NBEAL2: variants seen among roughly 807,000 people sequenced by gnomAD.
NBEAL2 encodes the protein neurobeachin-like protein 2.
NBEAL2 carries 160 observed loss-of-function variants against 299.8 expected under a neutral mutation model. The observed-to-expected ratio is 0.53, with a 90% confidence interval of 0.47 to 0.61. The LOEUF is 0.61. Ranked by LOEUF, NBEAL2 falls within the 20% of genes least tolerant of loss-of-function variation. NBEAL2 has a pLI of 0.00. For synonymous variants in NBEAL2, 1,493 were observed against 1,542.3 expected (o/e 0.97, Z 0.75); for missense variants, 3,112 against 3,649.0 (o/e 0.85, Z 3.79).
In NBEAL2 at chr3:46,995,132, A is replaced by G; in HGVS notation, c.1397A>G (p.Glu466Gly). Residue 466 changes from glutamate to glycine, a missense_variant, in exon 13 of 54, where the codon GAG becomes GGG. Coordinates refer to ENST00000450053, the MANE Select transcript of NBEAL2 (RefSeq NM_015175.3). ...TGGCTGCCGTCATTGCCCACCGCTG[A>G]GCTGCGGCTCTTCCTAGCGCAACGC... is the stretch of plus-strand genomic sequence containing the variant. ...AQWLPSLPTA[E>G]LRLFLAQRLR... The G allele has an allele frequency of 1.3e-6, 2 of 1,575,448 alleles. No individual in the cohort carries two copies. The highest frequency in any genetic ancestry group is 1.7e-6 in the Non-Finnish European group (2 of 1,160,866).
At chr3:46,987,745 C>T (rs1370752483) in intron 1 of NBEAL2, among the ~76,000 whole-genome samples, 2 of 152,106 alleles carry the variant, frequency 1.3e-5, no homozygotes, top group African/African-American at 2.4e-5. Flanking sequence ...TTCCAGGCGC[C>T]AACCTCATGC....
chr3:47,001,576 G>T lies in NBEAL2; in HGVS notation c.4645-113G>T. On this transcript the variant is annotated intron_variant, in intron 29 of 53. Transcript: ENST00000450053. This position sits in a 1 kb window ranked among gnomAD's most constrained non-coding sequence, Gnocchi z 6.1. ...CATGAATGCCTGTGAGTGTGGACTT[G>T]CCTGTGTGCACAAACCCTACCTGGC... is the stretch of plus-strand genomic sequence containing the variant. 1 of 1,565,768 alleles carries T rather than the reference G, an allele frequency of 6.4e-7. No individual in the cohort carries two copies. The highest frequency in any genetic ancestry group is 8.7e-7 in the Non-Finnish European group (1 of 1,153,600).
rs560363973 is a variant in NBEAL2, at chr3:46,997,704, G to A, written c.2958+10G>A. 46 of 1,505,538 alleles carry A rather than the reference G, an allele frequency of 3.1e-5. No homozygotes were observed. Among genetic ancestry groups the A allele is most frequent in the African/African-American group, 1.4e-4 (10 of 72,036 alleles). The allele number at this position is 1,505,538 out of a possible 1,614,324, so 93.3% of individuals were successfully genotyped here. On this transcript the variant is annotated intron_variant, in intron 20 of 53. Coordinates refer to ENST00000450053, the MANE Select transcript of NBEAL2 (RefSeq NM_015175.3). ...GGCCCTCCTGCGAAAGGTGGGGCCC[G>A]GTGGGACAGGCATGGGGGTTAGGGG...
chr3:46,979,822 C>T lies in NBEAL2; in HGVS notation c.-40C>T, dbSNP rs1190538319. On this transcript the variant is annotated 5_prime_UTR_variant, in exon 1 of 54. An upstream open reading frame in the 5' UTR gains an earlier in-frame stop. Coordinates refer to ENST00000450053, the MANE Select transcript of NBEAL2 (RefSeq NM_015175.3). Reference sequence around the variant, plus strand: ...CCGGCGGGCGGCGCGGAGGAGGCGGCGACAGGTGGCGCGCAGCAGGGCCGG... The same window carrying T: ...CCGGCGGGCGGCGCGGAGGAGGCGGTGACAGGTGGCGCGCAGCAGGGCCGG... 6 of 410,548 alleles carry T rather than the reference C, an allele frequency of 1.5e-5. No individual in the cohort carries two copies. Among genetic ancestry groups the T allele is most frequent in the Non-Finnish European group, 2.5e-5 (6 of 235,622 alleles). The allele number at this position is 410,548 out of a possible 1,614,324, so 25.4% of individuals were successfully genotyped here. A position where few individuals can be genotyped will look rare whatever the true frequency, so the allele number is the denominator to read the frequency against.
At position 47,008,698 on chromosome 3, in the gene NBEAL2, C is replaced by T. The variant is rs766648564; in HGVS notation, c.8027+30C>T. 20 of 1,611,504 alleles carry T rather than the reference C, an allele frequency of 1.2e-5. No homozygotes were observed. In the East Asian group the frequency reaches 2.9e-4, roughly 23 times the overall value. On this transcript the variant is annotated intron_variant, in intron 52 of 53. Transcript: ENST00000450053. ...GCCCCCCATTTATGGGTTCATGGCC[C>T]CTGAAGGTGGTGGTCATTGGTGTAG...
At chr3:46,981,719 C>T (rs1423537233) in intron 1 of NBEAL2, among the ~76,000 whole-genome samples, 1 of 152,154 alleles carries the variant, frequency 6.6e-6, no homozygotes, top group African/African-American at 2.4e-5. Context: ...GGGCTTAAAC[C>T]AGCTGGTGAG....
intron 49 of NBEAL2, 53 bp from the exon 50 acceptor site, chr3:47,008,016 CT>C: frequency 6.3e-7 from 1 of 1,595,752 alleles, no homozygotes; most frequent in South Asian, 1.1e-5. Context: ...TGGACAAGGC[CT>C]TCATTTCCTG....
intron 6 of NBEAL2, among the ~76,000 whole-genome samples, chr3:46,990,422 C>T (rs1445154353): frequency 6.6e-6 from 1 of 152,224 alleles, no homozygotes; most frequent in Non-Finnish European, 1.5e-5. Flanking sequence ...TCTCCACTTG[C>T]CCTGCTGCTC....
chr3:46,998,593 T>TG, intron 22 of NBEAL2, 28 bp downstream of exon 22: 1 of 1,596,182 alleles, frequency 6.3e-7, no homozygotes, highest in African/African-American at 1.3e-5. Context: ...AGATGGGCCA[T>TG]GGGGGGCTGA....
chr3:46,979,901 T>C lies in NBEAL2; in HGVS notation c.40T>C (p.Tyr14His). 2.2e-6 allele frequency: 1 copy of C among 449,670 alleles called. No individual in the cohort carries two copies. The highest frequency in any genetic ancestry group is 4.0e-6 in the Non-Finnish European group (1 of 248,354). 27.9% of individuals were successfully genotyped at this position (449,670 alleles called of 1,614,324 possible). Reference protein sequence around the residue: ...SERLYELWLLYYAQKDLGYLQ... With the variant: ...SERLYELWLLHYAQKDLGYLQ... ...GCGGCTGTACGAGTTGTGGCTGCTC[T>C]ACTACGCGCAGGTGAGCCCGCCCCG... Residue 14 changes from tyrosine to histidine, a missense_variant, in exon 1 of 54, where the codon TAC becomes CAC. Tyr to His is a moderately conservative substitution (Grantham distance 83). This residue lies in a region of NBEAL2 where 2,243 missense variants were observed against 2,538.1 expected (regional missense o/e 0.88). Coordinates refer to ENST00000450053, the MANE Select transcript of NBEAL2 (RefSeq NM_015175.3).
chr3:47,001,164 A>C lies in NBEAL2; in HGVS notation c.4469A>C (p.Asp1490Ala). 1 of 1,612,502 alleles carries C rather than the reference A, an allele frequency of 6.2e-7. No individual in the cohort carries two copies. The highest frequency in any genetic ancestry group is 8.5e-7 in the Non-Finnish European group (1 of 1,179,274). ...GASATLVRPPDCIKRSLLEMM... is the reference protein window; with the variant it reads ...GASATLVRPPACIKRSLLEMM... ...TCAGCCACACTTGTGCGCCCACCAGACTGCATCAAGCGCAGGTGAGAGGGA... is the reference window on the plus strand; with the variant it reads ...TCAGCCACACTTGTGCGCCCACCAGCCTGCATCAAGCGCAGGTGAGAGGGA... Residue 1490 changes from aspartate to alanine, a missense_variant, in exon 28 of 54, where the codon GAC becomes GCC. This residue lies in a region of NBEAL2 where 2,243 missense variants were observed against 2,538.1 expected (regional missense o/e 0.88). Transcript: ENST00000450053. The surrounding 1 kb of genome is among the most constrained non-coding windows in gnomAD (Gnocchi z 6.1).
chr3:46,998,283 T>G, intron 21 of NBEAL2, 57 bp downstream of exon 21: 3 of 1,574,028 alleles, frequency 1.9e-6, no homozygotes, highest in Non-Finnish European at 1.7e-6. Context: ...CACTGAGAAG[T>G]TAGAACTCTG....
In NBEAL2 at chr3:47,002,095, C is replaced by T; in HGVS notation, c.4958C>T (p.Ala1653Val). ...GCAGGGTCCCCACTTGCAGCTGCAG[C>T]AGCTGCAGCAGCTGCAGAGCGCTGC... ...DEAGSPLAAA[A>V]AAAAAERCSW... is the part of the protein sequence containing the mutation. Residue 1653 changes from alanine (A) to valine (V), a missense_variant, in exon 31 of 54, where the codon GCA becomes GTA. Transcript: ENST00000450053. 2 of 1,550,752 alleles carry T rather than the reference C, an allele frequency of 1.3e-6. No individual in the cohort carries two copies. The highest frequency in any genetic ancestry group is 1.7e-6 in the Non-Finnish European group (2 of 1,147,000).
intron 47 of NBEAL2, 22 bp from the exon 48 acceptor site, chr3:47,007,503 G>A: frequency 6.2e-7 from 1 of 1,601,062 alleles, no homozygotes; most frequent in Non-Finnish European, 8.5e-7. Flanking sequence ...GGCCTCACTT[G>A]CTATCCCCCT....
rs751461044 is a variant in NBEAL2, at chr3:46,998,042, C to T, written c.2959-25C>T. 4 of 1,545,074 alleles carry T rather than the reference C, an allele frequency of 2.6e-6. No individual in the cohort carries two copies. The Admixed American group carries it at 5.9e-5, about 23-fold the overall frequency. ...AGCAGACAGGCAGAGCCTGAGCCCT[C>T]ACTCCAGCTCCTGTCTTATCCCAGG... On this transcript the variant is annotated intron_variant, in intron 20 of 53. Transcript: ENST00000450053.
chr3:46,992,933 C>G (rs2036212632), intron 10 of NBEAL2, among the ~76,000 whole-genome samples: 1 of 152,188 alleles, frequency 6.6e-6, no homozygotes, highest in South Asian at 2.1e-4. Flanking sequence ...TAGATTCTTG[C>G]ACCCACCCTC....
rs745375767 is a variant in NBEAL2 at position 47,001,833 on chromosome 3, A to G, written c.4782+7A>G. On this transcript the variant is annotated splice_region_variant and intron_variant, in intron 30 of 53. Coordinates refer to ENST00000450053, the MANE Select transcript of NBEAL2 (RefSeq NM_015175.3). This position sits in a 1 kb window ranked among gnomAD's most constrained non-coding sequence, Gnocchi z 6.1. ...CCTGCTGGAAGACCCACAGGTGAGC[A>G]CAGGGTGAGCATGGGGGCAGGGGGC... 8.1e-6 allele frequency: 13 copies of G among 1,613,436 alleles called. No homozygotes were observed. In the South Asian group the frequency reaches 8.8e-5, roughly 11 times the overall value.
In NBEAL2 at chr3:47,008,036, G is replaced by C. The variant is rs372516293; in HGVS notation, c.7603-34G>C. On this transcript the variant is annotated intron_variant, in intron 49 of 53. Coordinates refer to ENST00000450053, the MANE Select transcript of NBEAL2 (RefSeq NM_015175.3). ...AAGGCCTTCATTTCCTGAGCCTCAG[G>C]GGACAGTCCTAAGCCAACCCTGGTC... 271 of 1,607,574 alleles carry C rather than the reference G, an allele frequency of 1.7e-4. 1 individual carries two copies. In the Middle Eastern group the frequency reaches 2.0e-3, roughly 12 times the overall value.
rs771064242 is a variant in NBEAL2 at position 47,001,214 on chromosome 3, G to A, written c.4484+35G>A. On this transcript the variant is annotated intron_variant, in intron 28 of 53. Coordinates refer to ENST00000450053, the MANE Select transcript of NBEAL2 (RefSeq NM_015175.3). The surrounding 1 kb of genome is among the most constrained non-coding windows in gnomAD (Gnocchi z 6.1). ...AAAGTCTGGAGGGGGAGGGGCTTCA[G>A]GAAGCCTCGGGGGAAGGAGAGAAGA... 3 of 1,602,384 alleles carry A rather than the reference G, an allele frequency of 1.9e-6. No homozygotes were observed. In the East Asian group the frequency reaches 6.7e-5, roughly 36 times the overall value.
Sources: gnomAD v4.1 joint callset for allele counts (sites outside exome capture counted in the v4.1 genomes callset) on GRCh38, gnomAD v4.1.1 for gene constraint, gnomAD v4.1.1 regional missense constraint, Gnocchi (gnomAD v3.1) non-coding constraint, MANE v1.5 for transcripts, NCBI Gene and HGNC (gene_info 2026-07-23, HGNC 2026-07-21) for gene names.